Variants in NTNG1 observed in about 807,000 individuals in gnomAD.
The protein encoded by NTNG1 is netrin G1.
A neutral mutation model predicts 54.0 loss-of-function variants in NTNG1; 16 were observed. The observed-to-expected ratio is 0.30, with a 90% CI of 0.20 to 0.45. The LOEUF (loss-of-function observed/expected upper bound fraction) is 0.45, where lower values mean the gene tolerates loss of function less well. Among genes scored for constraint, NTNG1 ranks in the 20% least tolerant of loss-of-function variants. NTNG1 has a pLI of 1.00. For missense variants in NTNG1, 530 were observed against 678.7 expected (o/e 0.78, Z 2.43); for synonymous variants, 255 against 263.1 (o/e 0.97, Z 0.30).
At chr1:107,314,869 C>T (rs915942785) in intron 2 of NTNG1, among the ~76,000 whole-genome samples, 2 of 152,162 alleles carry the variant, frequency 1.3e-5, no homozygotes, top group Admixed American at 6.5e-5. Flanking sequence ...ATTTGTACTT[C>T]GATTGCGTTA....
At chr1:107,466,815 A>G (rs1156724049) in intron 7 of NTNG1, among the ~76,000 whole-genome samples, 1 of 152,082 alleles carries the variant, frequency 6.6e-6, no homozygotes, top group African/African-American at 2.4e-5. Flanking sequence ...CCAGACTCTG[A>G]TTTTGGTTTA....
Position 107,480,704 on chromosome 1 carries a change from T to A in NTNG1, c.1484T>A (p.Ile495Asn). The A allele has an allele frequency of 1.2e-6, 2 of 1,611,336 alleles. No homozygotes were observed. The highest frequency in any genetic ancestry group is 1.7e-6 in the Non-Finnish European group (2 of 1,179,556). ...CTGTGCCCGGCCGCATACACGGGCATCCTCTGCGAGAAGCTGCGGTGCGAG... is the reference window on the plus strand; with the variant it reads ...CTGTGCCCGGCCGCATACACGGGCAACCTCTGCGAGAAGCTGCGGTGCGAG... Reference protein sequence around the residue: ...RCLCPAAYTGILCEKLRCEEA... With the variant: ...RCLCPAAYTGNLCEKLRCEEA... Residue 495 changes from isoleucine (I) to asparagine (N), a missense_variant, in exon 8 of 8, where the codon ATC (isoleucine) becomes AAC (asparagine). This residue lies in a region of NTNG1 where 212 missense variants were observed against 213.6 expected (regional missense o/e 0.99). Transcript: ENST00000370068.
intron 7 of NTNG1, among the ~76,000 whole-genome samples, chr1:107,454,446 T>C (rs59846955): frequency 0.4 from 60,543 of 151,944 alleles, 12,419 homozygotes; most frequent in Non-Finnish European, 0.44. Context: ...ACATAGTCCC[T>C]ACCCATTCTC....
intron 2 of NTNG1, among the ~76,000 whole-genome samples, chr1:107,203,959 A>G (rs1658970155): frequency 6.6e-6 from 1 of 152,056 alleles, no homozygotes; most frequent in South Asian, 2.1e-4. Flanking sequence ...ATTTTAAAAA[A>G]TTAAACCTTT....
At chr1:107,192,484 A>C (rs930022621) in intron 2 of NTNG1, among the ~76,000 whole-genome samples, 1 of 151,932 alleles carries the variant, frequency 6.6e-6, no homozygotes, top group South Asian at 2.1e-4. Context: ...TTGGCCCCAC[A>C]ATCTCAACTG....
At chr1:107,335,266 G>A (rs551115724) in intron 3 of NTNG1, among the ~76,000 whole-genome samples, 79 of 151,990 alleles carry the variant, frequency 5.2e-4, no homozygotes, top group African/African-American at 1.8e-3. Flanking sequence ...ATACATCCAC[G>A]TCCCAAAGTT....
chr1:107,256,715 C>T (rs369007499), intron 2 of NTNG1, among the ~76,000 whole-genome samples: 13 of 152,002 alleles, frequency 8.6e-5, no homozygotes, highest in South Asian at 6.2e-4. Context: ...GAGGAGAGAG[C>T]GGGAGAGGAA....
chr1:107,428,586 C>G (rs1490960385), intron 5 of NTNG1, among the ~76,000 whole-genome samples: 3 of 152,028 alleles, frequency 2.0e-5, no homozygotes, highest in Non-Finnish European at 2.9e-5. Context: ...AGGAGGCGAC[C>G]CAGGGGCAGG....
rs1431309191 is a variant in NTNG1, at chr1:107,324,564, T to C, written c.529T>C (p.Tyr177His). 6.2e-7 allele frequency: 1 copy of C among 1,613,752 alleles called. No individual in the cohort carries two copies. Among genetic ancestry groups the C allele is most frequent in the Non-Finnish European group, 8.5e-7 (1 of 1,179,876 alleles). ...TGGACGAACATGGCAGCCCTATCAG[T>C]ATTATGCCACAGACTGCTTAGATGC... ...DYGRTWQPYQ[Y>H]YATDCLDAFH... Residue 177 changes from tyrosine to histidine, a missense_variant, in exon 3 of 8, where the codon TAT becomes CAT. By Grantham distance (83) the Tyr-to-His change is moderately conservative. Around this residue, in one of 2 missense-constraint regions of NTNG1, gnomAD observed 318 missense variants for 465.1 expected, o/e 0.68. Coordinates refer to ENST00000370068, the MANE Select transcript of NTNG1 (RefSeq NM_001113226.3).
intron 2 of NTNG1, among the ~76,000 whole-genome samples, chr1:107,297,248 C>CATATATATATATATATATATATATAT (rs1557878514): frequency 1.6e-5 from 1 of 63,682 alleles, no homozygotes; most frequent in Admixed American, 1.8e-4. Context: ...TATATATATG[C>CATATATATATATATATATATATATAT]GCACACACAC....
chr1:107,163,728 C>T (rs1419995307), intron 2 of NTNG1, among the ~76,000 whole-genome samples: 1 of 152,168 alleles, frequency 6.6e-6, no homozygotes, highest in African/African-American at 2.4e-5. Context: ...GGTGTTTTAA[C>T]AACTGCTTTA....
At chr1:107,168,506 A>G (rs993314595) in intron 2 of NTNG1, among the ~76,000 whole-genome samples, 3 of 152,128 alleles carry the variant, frequency 2.0e-5, no homozygotes, top group African/African-American at 7.2e-5. Flanking sequence ...CCTGTCTACA[A>G]CTGTTCATGA....
chr1:107,261,628 G>C (rs896587662), intron 2 of NTNG1, among the ~76,000 whole-genome samples: 3 of 152,188 alleles, frequency 2.0e-5, no homozygotes, highest in African/African-American at 7.2e-5. Context: ...CAGATCACGA[G>C]GCCAGGAGAT....
At chr1:107,459,431 G>GA (rs1368986850) in intron 7 of NTNG1, among the ~76,000 whole-genome samples, 3 of 151,874 alleles carry the variant, frequency 2.0e-5, no homozygotes, top group Non-Finnish European at 4.4e-5. Flanking sequence ...GAGAGTCTTT[G>GA]AAAATACCCT....
At chr1:107,286,797 G>A (rs1665230125) in intron 2 of NTNG1, among the ~76,000 whole-genome samples, 1 of 152,060 alleles carries the variant, frequency 6.6e-6, no homozygotes, top group Non-Finnish European at 1.5e-5. Flanking sequence ...CTGGTTGTTG[G>A]TGTGATTTAT....
At chr1:107,227,917 A>G (rs1660797812) in intron 2 of NTNG1, among the ~76,000 whole-genome samples, 1 of 152,168 alleles carries the variant, frequency 6.6e-6, no homozygotes. Context: ...CAGTGATACT[A>G]ATTAGTTCTT....
At chr1:107,476,205 C>G (rs1678314504) in intron 7 of NTNG1, among the ~76,000 whole-genome samples, 2 of 152,280 alleles carry the variant, frequency 1.3e-5, no homozygotes, top group South Asian at 4.1e-4. Flanking sequence ...ATTTTTCTGA[C>G]ATTGTTTTCT....
At chr1:107,248,270 T>A (rs2101606972) in intron 2 of NTNG1, among the ~76,000 whole-genome samples, 1 of 152,302 alleles carries the variant, frequency 6.6e-6, no homozygotes, top group East Asian at 1.9e-4. Flanking sequence ...GACTCCTGAA[T>A]GAGAATGGTG....
intron 5 of NTNG1, among the ~76,000 whole-genome samples, chr1:107,412,421 C>A (rs1456081266): frequency 6.6e-6 from 1 of 152,168 alleles, no homozygotes; most frequent in Admixed American, 6.6e-5. Flanking sequence ...TTTAGAGTGG[C>A]CACATAACTT....
Sources: allele counts gnomAD v4.1 joint callset (sites outside exome capture counted in the v4.1 genomes callset), GRCh38; gene constraint gnomAD v4.1.1; regional missense constraint gnomAD v4.1.1; transcripts MANE v1.5; gene names NCBI Gene and HGNC (gene_info 2026-07-23, HGNC 2026-07-21).